PCDH11X: variants seen among roughly 807,000 people sequenced by gnomAD.
PCDH11X encodes the protein protocadherin-11 X-linked.
PCDH11X carries 18 observed loss-of-function variants against 53.3 expected under a neutral mutation model. The ratio of observed to expected loss-of-function variants is 0.34; its 90% CI spans 0.23 to 0.50. The LOEUF (loss-of-function observed/expected upper bound fraction) is 0.50, where lower values mean the gene tolerates loss of function less well. Ranked by LOEUF, PCDH11X falls within the 20% of genes least tolerant of loss-of-function variation. The pLI is 0.98. For synonymous variants in PCDH11X, 279 were observed against 393.3 expected (o/e 0.71, Z 3.44); for missense variants, 570 against 1,032.4 (o/e 0.55, Z 6.14).
chrX:92,460,181 C>T (rs965932382), intron 9 of PCDH11X: 23 of 919,769 alleles, frequency 2.5e-5, no homozygotes, highest in East Asian at 6.2e-5. Context: ...ACACAGCTGG[C>T]GATGCGCCAG....
At chrX:92,217,548 T>G (rs1164536974) in intron 7 of PCDH11X, among the ~76,000 whole-genome samples, 3 of 100,716 alleles carry the variant, frequency 3.0e-5, no homozygotes, top group East Asian at 3.1e-4. Context: ...CCCAGTTTCA[T>G]AAAGCAAGTC....
chrX:92,592,618 G>C (rs1275336404), intron 10 of PCDH11X, among the ~76,000 whole-genome samples: 1 of 110,573 alleles, frequency 9.0e-6, no homozygotes, highest in Admixed American at 9.7e-5. Flanking sequence ...GTAGTCCCAG[G>C]TATTGGGGAG....
At chrX:92,521,609 A>G (rs777526168) in intron 10 of PCDH11X, among the ~76,000 whole-genome samples, 1 of 112,135 alleles carries the variant, frequency 8.9e-6, no homozygotes, top group South Asian at 3.7e-4. Flanking sequence ...ATTAGCTACT[A>G]ACAAGGGACT....
At chrX:92,218,635 C>T (rs1430430892) in intron 7 of PCDH11X, among the ~76,000 whole-genome samples, 45 of 111,309 alleles carry the variant, frequency 4.0e-4, no homozygotes, top group Admixed American at 9.6e-5. Context: ...GGAATTGGTA[C>T]CATTCCTTGT....
intron 6 of PCDH11X, among the ~76,000 whole-genome samples, chrX:92,148,080 TTCTTTCTTTCTTTCTTTCTTTC>T (rs1569389134): frequency 7.0e-5 from 1 of 14,278 alleles, no homozygotes; most frequent in African/African-American, 3.0e-4. Flanking sequence ...CTTTCTTTCT[TTCTTTCTTTCTTTCTTTCTTTC>T]TTTCTTTCTT....
At chrX:92,212,006 C>CTTTTTTTTTTTT (rs56939635) in intron 7 of PCDH11X, among the ~76,000 whole-genome samples, 1 of 64,598 alleles carries the variant, frequency 1.5e-5, no homozygotes, top group Non-Finnish European at 2.7e-5. Context: ...ACTTGCAATG[C>CTTTTTTTTTTTT]TTTTTTTTTT....
intron 10 of PCDH11X, among the ~76,000 whole-genome samples, chrX:92,582,657 T>A (rs1257520954): frequency 9.0e-6 from 1 of 111,081 alleles, no homozygotes; most frequent in Admixed American, 9.6e-5. Context: ...CAGTGCCTAG[T>A]GGAGCTATAA....
At chrX:92,117,138 C>T (rs1022498790) in intron 6 of PCDH11X, among the ~76,000 whole-genome samples, 1 of 107,050 alleles carries the variant, frequency 9.3e-6, no homozygotes, top group African/African-American at 3.5e-5. Flanking sequence ...GGAAAAAGCC[C>T]TCAAACAGTA....
At chrX:92,511,944 C>T (rs1440895985) in intron 10 of PCDH11X, among the ~76,000 whole-genome samples, 3 of 105,694 alleles carry the variant, frequency 2.8e-5, no homozygotes, top group South Asian at 4.4e-4. Context: ...GGCCTTTATC[C>T]GTGGCATCAC....
At chrX:92,486,211 T>C (rs142024073) in intron 10 of PCDH11X, among the ~76,000 whole-genome samples, 1,469 of 111,383 alleles carry the variant, frequency 0.013, 24 homozygotes, top group African/African-American at 0.045. Context: ...AAGTTGTAAA[T>C]TTTTTACAAT....
chrX:92,011,166 A>G (rs938041094), intron 6 of PCDH11X, among the ~76,000 whole-genome samples: 3 of 112,315 alleles, frequency 2.7e-5, no homozygotes, highest in African/African-American at 9.7e-5. Context: ...TGCTATTGGG[A>G]ATAGTGCTGT....
At chrX:92,045,044 C>A (rs1424268725) in intron 6 of PCDH11X, among the ~76,000 whole-genome samples, 1 of 81,284 alleles carries the variant, frequency 1.2e-5, no homozygotes, top group Non-Finnish European at 2.0e-5. Context: ...TAAGGAAAGA[C>A]AAGCTTTAAA....
chrX:92,135,563 A>C (rs1032729168), intron 6 of PCDH11X, among the ~76,000 whole-genome samples: 1 of 111,635 alleles, frequency 9.0e-6, no homozygotes, highest in Non-Finnish European at 1.9e-5. Flanking sequence ...GAGTGATAAA[A>C]TATGTCCCTC....
At chrX:92,041,767 C>T (rs1162129679) in intron 6 of PCDH11X, among the ~76,000 whole-genome samples, 3 of 111,385 alleles carry the variant, frequency 2.7e-5, no homozygotes, top group East Asian at 2.8e-4. Context: ...CTCAGGAGTT[C>T]GAGAGCAGCC....
intron 6 of PCDH11X, among the ~76,000 whole-genome samples, chrX:92,149,323 A>G (rs1416931982): frequency 1.8e-5 from 2 of 109,915 alleles, no homozygotes; most frequent in Non-Finnish European, 3.8e-5. Context: ...CTGTGTCTAT[A>G]TCAGAGAAAG....
chrX:92,204,298 G>A (rs2066440151), intron 7 of PCDH11X, among the ~76,000 whole-genome samples: 1 of 111,664 alleles, frequency 9.0e-6, no homozygotes, highest in Non-Finnish European at 1.9e-5. Context: ...ATATCGTCAG[G>A]CTTAAATTTT....
At chrX:91,930,894 G>T (rs1602514893) in intron 6 of PCDH11X, among the ~76,000 whole-genome samples, 5 of 106,707 alleles carry the variant, frequency 4.7e-5, no homozygotes, top group African/African-American at 1.4e-4. Flanking sequence ...GTTCAGACTT[G>T]AAATCTAAGC....
chrX:92,313,302 A>G lies in PCDH11X; in HGVS notation c.3144+50159A>G, dbSNP rs2068993976. Among the ~76,000 whole-genome samples the G allele has an allele frequency of 9.1e-5, 10 of 110,415 alleles. No homozygotes were observed. The South Asian group carries it at 3.9e-3, about 43-fold the overall frequency. Reference sequence around the variant, plus strand: ...GTATTTTTAACTTTGTCTGCAGATGATAACACAGAGCCTTAGAGAAAATAG... The same window carrying G: ...GTATTTTTAACTTTGTCTGCAGATGGTAACACAGAGCCTTAGAGAAAATAG... On this transcript the variant is annotated intron_variant, in intron 8 of 10. Coordinates refer to ENST00000682573, the MANE Select transcript of PCDH11X (RefSeq NM_032968.5).
chrX:91,875,934 T>G (rs1939589635), intron 5 of PCDH11X, among the ~76,000 whole-genome samples: 1 of 110,426 alleles, frequency 9.1e-6, no homozygotes, highest in Admixed American at 9.6e-5. Flanking sequence ...GGAATATTTT[T>G]ATTTTGGTGC....
Sources: allele counts gnomAD v4.1 joint callset (sites outside exome capture counted in the v4.1 genomes callset), GRCh38; gene constraint gnomAD v4.1.1; transcripts MANE v1.5; gene names NCBI Gene and HGNC (gene_info 2026-07-23, HGNC 2026-07-21).